Variants in NF1 observed in about 807,000 individuals in gnomAD.
NF1 encodes neurofibromin 1, also known as neurofibromin.
A neutral mutation model predicts 325.7 loss-of-function variants in NF1; 122 were observed. The ratio of observed to expected loss-of-function variants is 0.37; its 90% CI spans 0.32 to 0.44. The LOEUF is 0.44. Among genes scored for constraint, NF1 ranks in the 20% least tolerant of loss-of-function variants. The pLI is 1.00. For synonymous variants in NF1, 1,091 were observed against 1,186.0 expected (o/e 0.92, Z 1.65); for missense variants, 2,140 against 3,415.4 (o/e 0.63, Z 9.31).
intron 1 of NF1, among the ~76,000 whole-genome samples, chr17:31,108,439 A>T (rs1354142085): frequency 6.6e-6 from 1 of 151,614 alleles, no homozygotes; most frequent in East Asian, 1.9e-4. Context: ...ACGCCTGGCT[A>T]AATTTTTTGT....
intron 57 of NF1, chr17:31,367,293 C>T: frequency 4.6e-6 from 6 of 1,306,144 alleles, no homozygotes; most frequent in Non-Finnish European, 6.1e-6. Flanking sequence ...TCTTTATTTT[C>T]ATCATCTTTG....
chr17:31,257,163 GA>G (rs1162852908), intron 31 of NF1, among the ~76,000 whole-genome samples: 4 of 151,910 alleles, frequency 2.6e-5, no homozygotes, highest in African/African-American at 9.7e-5. Context: ...GAAGCATTGT[GA>G]AAAAAATAGC....
intron 36 of NF1, among the ~76,000 whole-genome samples, chr17:31,270,013 C>T (rs986238297): frequency 3.9e-5 from 6 of 152,158 alleles, no homozygotes; most frequent in Non-Finnish European, 7.3e-5. Flanking sequence ...TAGAATGAGG[C>T]AAAATGGATA....
At chr17:31,187,494 C>G (rs965650658) in intron 8 of NF1, among the ~76,000 whole-genome samples, 2 of 152,148 alleles carry the variant, frequency 1.3e-5, no homozygotes, top group African/African-American at 4.8e-5. Context: ...TGTGCCTGGC[C>G]ACACTGGTCT....
intron 36 of NF1, among the ~76,000 whole-genome samples, chr17:31,301,861 C>T (rs2068580144): frequency 1.3e-5 from 2 of 152,326 alleles, no homozygotes; most frequent in South Asian, 2.1e-4. Context: ...GTGGTGTGAA[C>T]TTTAATCTAC....
chr17:31,245,155 G>C (rs939030650), intron 29 of NF1, among the ~76,000 whole-genome samples: 1 of 152,070 alleles, frequency 6.6e-6, no homozygotes, highest in African/African-American at 2.4e-5. Flanking sequence ...CAATTGTCAG[G>C]GTTTCTAGCA....
rs764411928 is a variant in NF1 at position 31,265,348 on chromosome 17, TACTATGTTTTGGGTCTCTTA to T, written c.4835+12_4835+31del. ...TATTATGTTGCACGGAGGTAAGAAA[TACTATGTTTTGGGTCTCTTA>T]ACAGAATTTTTTAAATTATAGCAAA... On this transcript the variant is annotated intron_variant, in intron 36 of 57. Transcript: ENST00000358273. 10 of 1,589,462 alleles carry T rather than the reference TACTATGTTTTGGGTCTCTTA, an allele frequency of 6.3e-6. No homozygotes were observed. The East Asian group carries it at 9.0e-5, about 14-fold the overall frequency.
At chr17:31,177,978 G>A (rs2066054613) in intron 5 of NF1, among the ~76,000 whole-genome samples, 2 of 152,112 alleles carry the variant, frequency 1.3e-5, no homozygotes, top group African/African-American at 4.8e-5. Context: ...CCCCAACCTA[G>A]CAAGGCAGGC....
intron 1 of NF1, among the ~76,000 whole-genome samples, chr17:31,126,836 A>G (rs1220489006): frequency 1.3e-5 from 2 of 152,176 alleles, no homozygotes; most frequent in Non-Finnish European, 2.9e-5. Flanking sequence ...ATCTTACTGC[A>G]GCTGAATTTA....
At chr17:31,249,460 G>T (rs1453947619) in intron 30 of NF1, among the ~76,000 whole-genome samples, 1 of 152,116 alleles carries the variant, frequency 6.6e-6, no homozygotes, top group South Asian at 2.1e-4. Context: ...TTATTTACAG[G>T]GTGTTTCACA....
chr17:31,354,203 T>A (rs118097032), intron 51 of NF1, among the ~76,000 whole-genome samples: 245 of 152,302 alleles, frequency 1.6e-3, no homozygotes, highest in Admixed American at 3.6e-3. Context: ...CCAGGTGCCA[T>A]TAAAATGATA....
chr17:31,340,687 T>G, intron 47 of NF1, 42 bp downstream of exon 47: 2 of 1,592,916 alleles, frequency 1.3e-6, no homozygotes, highest in South Asian at 1.1e-5. Flanking sequence ...TACTCAAATT[T>G]AGTACTCTTC....
At chr17:31,180,356 C>G (rs943955728) in intron 5 of NF1, among the ~76,000 whole-genome samples, 1 of 152,150 alleles carries the variant, frequency 6.6e-6, no homozygotes, top group Non-Finnish European at 1.5e-5. Flanking sequence ...AAAATAATGG[C>G]AAACTGAATC....
At chr17:31,305,510 G>T in intron 36 of NF1, 1 of 1,614,124 alleles carries the variant, frequency 6.2e-7, no homozygotes, top group Non-Finnish European at 8.5e-7. Context: ...AATAAGGTAG[G>T]CTGTGACTGC....
intron 36 of NF1, among the ~76,000 whole-genome samples, chr17:31,307,001 G>GA (rs2068740973): frequency 6.6e-6 from 1 of 150,542 alleles, no homozygotes; most frequent in African/African-American, 2.4e-5. Flanking sequence ...AAAGAAGAAA[G>GA]AAAAAAAGCT....
intron 31 of NF1, 115 bp downstream of exon 31, chr17:31,253,115 C>G: frequency 3.8e-6 from 3 of 783,488 alleles, no homozygotes; most frequent in Non-Finnish European, 6.4e-6. Context: ...TAAAATCATT[C>G]TACTAATTCT....
chr17:31,221,356 T>C (rs1194359773), intron 14 of NF1, among the ~76,000 whole-genome samples: 3 of 152,132 alleles, frequency 2.0e-5, no homozygotes, highest in African/African-American at 4.8e-5. Flanking sequence ...TCCATTTTGC[T>C]TCCTCTCTCT....
chr17:31,351,781 G>A (rs941904527), intron 50 of NF1, among the ~76,000 whole-genome samples: 4 of 152,020 alleles, frequency 2.6e-5, no homozygotes, highest in African/African-American at 7.3e-5. Context: ...CCTGCAGGCC[G>A]CACGCAGCCC....
chr17:31,356,831 T>A, intron 52 of NF1, 129 bp from the exon 53 acceptor site: 1 of 1,380,164 alleles, frequency 7.2e-7, no homozygotes, highest in Non-Finnish European at 1.0e-6. Context: ...AGTAATTCTC[T>A]ATGATGTTTA....
Sources: gnomAD v4.1 joint callset for allele counts (sites outside exome capture counted in the v4.1 genomes callset) on GRCh38, gnomAD v4.1.1 for gene constraint, MANE v1.5 for transcripts, NCBI Gene and HGNC (gene_info 2026-07-23, HGNC 2026-07-21) for gene names.